JAKMIP1: variants seen among roughly 807,000 people sequenced by gnomAD.
The protein encoded by JAKMIP1 is janus kinase and microtubule interacting protein 1, also known as janus kinase and microtubule-interacting protein 1.
A neutral mutation model predicts 113.0 loss-of-function variants in JAKMIP1; 33 were observed. That is an observed-to-expected ratio of 0.29 (90% CI 0.22 to 0.39). The LOEUF (loss-of-function observed/expected upper bound fraction) is 0.39. JAKMIP1 is among the 10% of genes least tolerant of loss of function. JAKMIP1 has a pLI of 1.00. For missense variants in JAKMIP1, 813 were observed against 1,080.5 expected, an observed-to-expected ratio of 0.75 and a Z score of 3.47; for synonymous variants, 480 against 459.9, an observed-to-expected ratio of 1.04 and a Z score of -0.56.
At position 6,084,907 on chromosome 4, in the gene JAKMIP1, T is replaced by C. The variant is rs767948382; in HGVS notation, c.893A>G (p.Asn298Ser). Reference protein sequence around the residue: ...RRFQLKIAELNSVIRKLEDRN... With the variant: ...RRFQLKIAELSSVIRKLEDRN... ...GTCTTCCAGCTTCCGTATCACTGAA[T>C]TCAGTTCAGCAATTTTTAGTTGAAA... The change falls in exon 5 of 21, where the codon AAT becomes AGT. Residue 298 changes from asparagine to serine, a missense_variant. By Grantham distance (46) the Asn-to-Ser change is conservative. Around this residue, in one of 2 missense-constraint regions of JAKMIP1, gnomAD observed 540 missense variants for 653.9 expected, o/e 0.83. Transcript: ENST00000409021. The C allele has an allele frequency of 1.9e-6, 3 of 1,603,232 alleles. No homozygotes were observed. Among genetic ancestry groups the C allele is most frequent in the Non-Finnish European group, 2.5e-6 (3 of 1,177,854 alleles).
At chr4:6,029,408 A>G (rs900673652) in intron 20 of JAKMIP1, among the ~76,000 whole-genome samples, 5 of 152,188 alleles carry the variant, frequency 3.3e-5, no homozygotes, top group African/African-American at 1.2e-4. Context: ...TCATCGGGCT[A>G]ATGTGCTTCA....
intron 3 of JAKMIP1, among the ~76,000 whole-genome samples, chr4:6,098,457 G>C (rs979268248): frequency 3.6e-4 from 55 of 150,726 alleles, no homozygotes; most frequent in African/African-American, 1.3e-3. Flanking sequence ...GGGAGGGAGG[G>C]AGGAAGGGCA....
Position 6,121,319 on chromosome 4 carries a change from T to G in JAKMIP1, c.-147-8322A>C, listed in dbSNP as rs188228822. On this transcript the variant is annotated intron_variant, in intron 1 of 20. Transcript: ENST00000409021. ...CTTGACCCAGGATTTTTCCTATGAC[T>G]CTATCAACAGTGGGCTGCGTAAGGA... Among the ~76,000 whole-genome samples, 21 of 152,142 alleles carry G rather than the reference T, an allele frequency of 1.4e-4. No homozygotes were observed. In the East Asian group the frequency reaches 4.0e-3, roughly 29 times the overall value.
chr4:6,128,632 C>A (rs560446271), intron 1 of JAKMIP1, among the ~76,000 whole-genome samples: 4 of 152,206 alleles, frequency 2.6e-5, no homozygotes, highest in African/African-American at 9.6e-5. Context: ...ACGGGAGCCA[C>A]GTGCCTCCTC....
intron 3 of JAKMIP1, among the ~76,000 whole-genome samples, chr4:6,087,536 CAT>C (rs1721476432): frequency 6.6e-6 from 1 of 152,078 alleles, no homozygotes; most frequent in African/African-American, 2.4e-5. Flanking sequence ...AAAAAAATAA[CAT>C]AGAGATGAGA....
At position 6,051,490 on chromosome 4, in the gene JAKMIP1, T is replaced by C. The variant is rs1189871483; in HGVS notation, c.1807-811A>G. Among the ~76,000 whole-genome samples, 2 of 152,120 alleles carry C rather than the reference T, an allele frequency of 1.3e-5. No individual in the cohort carries two copies. The highest frequency in any genetic ancestry group is 3.4e-3 in the Middle Eastern group (1 of 290). On this transcript the variant is annotated intron_variant, in intron 13 of 20. Transcript: ENST00000409021. The surrounding 1 kb of genome is among the most constrained non-coding windows in gnomAD (Gnocchi z 5.0). ...AGAGACCTCAGGTGATCCACCCGCC[T>C]CGGCCTCCCAAAGTGCTGGGATTAC...
chr4:6,114,585 G>A (rs1001323645), intron 1 of JAKMIP1, among the ~76,000 whole-genome samples: 1 of 152,240 alleles, frequency 6.6e-6, no homozygotes, highest in African/African-American at 2.4e-5. Context: ...CAAAATCTGG[G>A]AGGCAGTGAT....
rs566168189 is a variant in JAKMIP1 at position 6,075,582 on chromosome 4, C to T, written c.1302+3357G>A. ...CATTCAGGAAAGTTTCTACACAGATCCCCAAATTCGGCCTCCTAATGACAC... is the reference window on the plus strand; with the variant it reads ...CATTCAGGAAAGTTTCTACACAGATTCCCAAATTCGGCCTCCTAATGACAC... On this transcript the variant is annotated intron_variant, in intron 8 of 20. Coordinates refer to ENST00000409021, the MANE Select transcript of JAKMIP1 (RefSeq NM_001099433.2). Among the ~76,000 whole-genome samples, 108 of 152,326 alleles carry T rather than the reference C, an allele frequency of 7.1e-4. 1 individual carries two copies. Among genetic ancestry groups the T allele is most frequent in the East Asian group, 5.8e-4 (3 of 5,182 alleles).
rs1026504647 is a variant in JAKMIP1, at chr4:6,094,839, C to CA, written c.625-9211dup. Among the ~76,000 whole-genome samples the CA allele has an allele frequency of 2.6e-5, 4 of 152,034 alleles. No individual in the cohort carries two copies. The highest frequency in any genetic ancestry group is 7.2e-5 in the African/African-American group (3 of 41,486). On this transcript the variant is annotated intron_variant, in intron 3 of 20. Transcript: ENST00000409021. This position sits in a 1 kb window ranked among gnomAD's most constrained non-coding sequence, Gnocchi z 4.2. ...AGAAACCTTGTCTCTGCAAAAAATA[C>CA]AAAAAAATTAGCTGGGCATAGGTGG...
intron 1 of JAKMIP1, among the ~76,000 whole-genome samples, chr4:6,161,741 G>T (rs772687882): frequency 2.4e-4 from 37 of 152,060 alleles, no homozygotes; most frequent in Non-Finnish European, 5.1e-4. Context: ...CCTGGGGTTT[G>T]AAAAGGTCCA....
chr4:6,127,950 C>T (rs559120532), intron 1 of JAKMIP1, among the ~76,000 whole-genome samples: 4 of 152,330 alleles, frequency 2.6e-5, no homozygotes, highest in African/African-American at 4.8e-5. Flanking sequence ...CTTTAGAGAT[C>T]GGGAAGTTCC....
chr4:6,038,225 C>T (rs1286287947), intron 18 of JAKMIP1, among the ~76,000 whole-genome samples: 3 of 148,754 alleles, frequency 2.0e-5, no homozygotes, highest in African/African-American at 2.5e-5. Flanking sequence ...TAACCAGTAG[C>T]CCTCCATCAC....
chr4:6,068,572 T>TC (rs1718503211), intron 8 of JAKMIP1, among the ~76,000 whole-genome samples: 1 of 151,110 alleles, frequency 6.6e-6, no homozygotes, highest in African/African-American at 2.4e-5. Flanking sequence ...TTTTTTTTTT[T>TC]TTTGAGACAG....
At chr4:6,118,783 T>C (rs974749896) in intron 1 of JAKMIP1, among the ~76,000 whole-genome samples, 21 of 152,114 alleles carry the variant, frequency 1.4e-4, no homozygotes, top group African/African-American at 5.1e-4. Flanking sequence ...TTCTGGCCAA[T>C]GAGGGCTGAG....
intron 2 of JAKMIP1, 82 bp downstream of exon 2, chr4:6,112,640 C>G: frequency 6.5e-7 from 1 of 1,532,382 alleles, no homozygotes; most frequent in Non-Finnish European, 8.9e-7. Context: ...GGAACAGGCT[C>G]TTCACACACA....
At position 6,105,386 on chromosome 4, in the gene JAKMIP1, A is replaced by G. The variant is rs559353327; in HGVS notation, c.624+87T>C. ...GTGCTTTGAACAATGCCTGGAGCAC[A>G]GCAGGTCCTCGGAGCTCCGCATTTC... On this transcript the variant is annotated intron_variant, in intron 3 of 20. Transcript: ENST00000409021. The G allele has an allele frequency of 2.2e-3, 2,991 of 1,341,510 alleles. 32 individuals carry two copies. The African/African-American group carries it at 0.029, about 13-fold the overall frequency. The allele number at this position is 1,341,510 out of a possible 1,614,324, so 83.1% of individuals were successfully genotyped here.
In JAKMIP1 at chr4:6,080,478, T is replaced by C. The variant is rs553650095; in HGVS notation, c.1102-166A>G. 6.6e-6 allele frequency among the ~76,000 whole-genome samples: 1 copy of C among 152,280 alleles called. No individual in the cohort carries two copies. The highest frequency in any genetic ancestry group is 1.9e-4 in the East Asian group (1 of 5,176). On this transcript the variant is annotated intron_variant, in intron 6 of 20. Coordinates refer to ENST00000409021, the MANE Select transcript of JAKMIP1 (RefSeq NM_001099433.2). The surrounding 1 kb of genome is among the most constrained non-coding windows in gnomAD (Gnocchi z 6.0). ...GCTGTGTCCCCACCCAAATCTCATC[T>C]TGAATTGCGGCTCCCAGAACTCCCG...
At chr4:6,085,245 C>A (rs924674534) in intron 4 of JAKMIP1, among the ~76,000 whole-genome samples, 175 bp downstream of exon 4, 3 of 152,170 alleles carry the variant, frequency 2.0e-5, no homozygotes, top group African/African-American at 7.2e-5. Flanking sequence ...CCGCCACGCA[C>A]CGGCACCTCA....
In JAKMIP1 at chr4:6,059,461, G is replaced by A. The variant is rs1716954801; in HGVS notation, c.1644+963C>T. On this transcript the variant is annotated intron_variant, in intron 11 of 20. Coordinates refer to ENST00000409021, the MANE Select transcript of JAKMIP1 (RefSeq NM_001099433.2). This position sits in a 1 kb window ranked among gnomAD's most constrained non-coding sequence, Gnocchi z 4.8. Reference sequence around the variant, plus strand: ...TCCCACTGTATCCCACCAGGCCTAGGAACTGTGGTAGACCTTGCCTGGCCT... The same window carrying A: ...TCCCACTGTATCCCACCAGGCCTAGAAACTGTGGTAGACCTTGCCTGGCCT... Among the ~76,000 whole-genome samples the A allele has an allele frequency of 6.6e-6, 1 of 152,228 alleles. No homozygotes were observed. Among genetic ancestry groups the A allele is most frequent in the African/African-American group, 2.4e-5 (1 of 41,556 alleles).
Sources: allele counts gnomAD v4.1 joint callset (sites outside exome capture counted in the v4.1 genomes callset), GRCh38; gene constraint gnomAD v4.1.1; regional missense constraint gnomAD v4.1.1; non-coding constraint Gnocchi (gnomAD v3.1); transcripts MANE v1.5; gene names NCBI Gene and HGNC (gene_info 2026-07-23, HGNC 2026-07-21).